NCOA2: variants seen among roughly 807,000 people sequenced by gnomAD.
NCOA2 encodes class E basic helix-loop-helix protein 75.
Under a neutral mutation model 145.1 loss-of-function variants are expected in NCOA2, and 21 were observed. The observed-to-expected ratio is 0.14, with a 90% CI of 0.10 to 0.21. The LOEUF (loss-of-function observed/expected upper bound fraction) is 0.21, where lower values mean the gene tolerates loss of function less well. Among genes scored for constraint, NCOA2 ranks in the 10% least tolerant of loss-of-function variants. The pLI, the probability that NCOA2 is intolerant of heterozygous loss-of-function variation, is 1.00. For missense variants in NCOA2, 1,472 were observed against 1,837.6 expected, an observed-to-expected ratio of 0.80 and a Z score of 3.64; for synonymous variants, 619 against 637.5, an observed-to-expected ratio of 0.97 and a Z score of 0.44.
At chr8:70,323,423 G>A (rs902819336) in intron 1 of NCOA2, among the ~76,000 whole-genome samples, 1 of 152,106 alleles carries the variant, frequency 6.6e-6, no homozygotes, top group Non-Finnish European at 1.5e-5. Flanking sequence ...CAGCGAGAAA[G>A]CACACGAACA....
chr8:70,300,093 G>A (rs1416873064), intron 1 of NCOA2, among the ~76,000 whole-genome samples: 1 of 152,070 alleles, frequency 6.6e-6, no homozygotes, highest in Non-Finnish European at 1.5e-5. Context: ...AAACTATAAA[G>A]ACAGAAAACA....
chr8:70,151,906 T>C (rs2132107801), intron 11 of NCOA2, among the ~76,000 whole-genome samples: 1 of 152,304 alleles, frequency 6.6e-6, no homozygotes, highest in African/African-American at 2.4e-5. Flanking sequence ...TTTTTTTCTG[T>C]ATTCATGTAA....
At chr8:70,143,148 C>T (rs1258788246) in intron 13 of NCOA2, among the ~76,000 whole-genome samples, 1 of 152,156 alleles carries the variant, frequency 6.6e-6, no homozygotes, top group Non-Finnish European at 1.5e-5. Context: ...TGAGGTTTCA[C>T]CATGTTGGTC....
intron 1 of NCOA2, among the ~76,000 whole-genome samples, chr8:70,391,132 G>C (rs539458586): frequency 5.1e-4 from 78 of 152,298 alleles, no homozygotes; most frequent in African/African-American, 1.4e-3. Context: ...AAGAAAAACA[G>C]AAGAGAGAAA....
intron 2 of NCOA2, among the ~76,000 whole-genome samples, chr8:70,249,977 A>AAAAAAAAAAAAAAAG (rs751876043): frequency 1.5e-5 from 2 of 137,918 alleles, no homozygotes; most frequent in Non-Finnish European, 1.6e-5. Flanking sequence ...AAAAAAAAAA[A>AAAAAAAAAAAAAAAG]AAGAAGAAGA....
chr8:70,231,654 G>C (rs943691589), intron 2 of NCOA2, among the ~76,000 whole-genome samples: 6 of 152,322 alleles, frequency 3.9e-5, no homozygotes, highest in Non-Finnish European at 7.3e-5. Context: ...TATTAATCCT[G>C]TCTGGTTCTC....
Position 70,159,605 on chromosome 8 carries a change from A to C in NCOA2, c.1024T>G (p.Ser342Ala). 6.2e-7 allele frequency: 1 copy of C among 1,613,030 alleles called. No individual in the cohort carries two copies. Among genetic ancestry groups the C allele is most frequent in the Non-Finnish European group, 8.5e-7 (1 of 1,179,106 alleles). Residue 342 changes from serine (S) to alanine (A), a missense_variant, in exon 10 of 23, where the codon TCT (serine) becomes GCT (alanine). By Grantham distance (99) the Ser-to-Ala change is moderately conservative. Coordinates refer to ENST00000452400, the MANE Select transcript of NCOA2 (RefSeq NM_006540.4). ...AFSQIYRFSL[S>A]DGTLVAAQTK... ...TGTGCAGCAACAAGAGTGCCATCAG[A>C]CAAGGAAAAACGATAGATTTGACTG... is the stretch of plus-strand genomic sequence containing the variant.
At chr8:70,173,614 G>A (rs565822891) in intron 5 of NCOA2, among the ~76,000 whole-genome samples, 1 of 152,252 alleles carries the variant, frequency 6.6e-6, no homozygotes, top group Admixed American at 6.5e-5. Flanking sequence ...GAGGCTGAAT[G>A]TTTTCAAGCC....
At chr8:70,307,988 T>G (rs188064861) in intron 1 of NCOA2, among the ~76,000 whole-genome samples, 22 of 152,292 alleles carry the variant, frequency 1.4e-4, no homozygotes, top group Non-Finnish European at 1.5e-5. Flanking sequence ...ACATTCCCAA[T>G]TATTTACATA....
At chr8:70,240,555 C>A (rs369354505) in intron 2 of NCOA2, among the ~76,000 whole-genome samples, 41 of 152,008 alleles carry the variant, frequency 2.7e-4, no homozygotes, top group Non-Finnish European at 5.3e-4. Flanking sequence ...GGCCCCCAAG[C>A]GTGATGTTGG....
chr8:70,309,535 G>A (rs1210994864), intron 1 of NCOA2, among the ~76,000 whole-genome samples: 1 of 151,696 alleles, frequency 6.6e-6, no homozygotes, highest in Non-Finnish European at 1.5e-5. Flanking sequence ...AAAGGCTCTG[G>A]GAATATAATG....
chr8:70,283,309 A>G (rs911101523), intron 2 of NCOA2, among the ~76,000 whole-genome samples: 18 of 152,216 alleles, frequency 1.2e-4, no homozygotes, highest in Non-Finnish European at 2.5e-4. Flanking sequence ...TTCACTCTCA[A>G]AGTGGAGATG....
chr8:70,211,011 G>A (rs1586113223), intron 4 of NCOA2, among the ~76,000 whole-genome samples: 1 of 152,188 alleles, frequency 6.6e-6, no homozygotes. Flanking sequence ...GGGGTTGGGG[G>A]AAGACAGAGT....
At chr8:70,141,111 G>T (rs1166700591) in intron 14 of NCOA2, 73 bp downstream of exon 14, 2 of 1,432,532 alleles carry the variant, frequency 1.4e-6, no homozygotes, top group African/African-American at 1.4e-5. Flanking sequence ...AGCATGTCTT[G>T]AAAGAACTTA....
At chr8:70,329,725 C>T (rs150653627) in intron 1 of NCOA2, among the ~76,000 whole-genome samples, 35 of 152,226 alleles carry the variant, frequency 2.3e-4, no homozygotes, top group African/African-American at 7.2e-4. Flanking sequence ...TGGAATACTA[C>T]AAAGCAATGT....
chr8:70,256,958 T>C (rs950005038), intron 2 of NCOA2, among the ~76,000 whole-genome samples: 4 of 152,166 alleles, frequency 2.6e-5, no homozygotes, highest in Non-Finnish European at 5.9e-5. Flanking sequence ...GGTTACAGAG[T>C]AGAAAGACTG....
At chr8:70,176,646 C>G (rs1001555945) in intron 4 of NCOA2, among the ~76,000 whole-genome samples, 2 of 152,130 alleles carry the variant, frequency 1.3e-5, no homozygotes, top group South Asian at 4.1e-4. Context: ...CTGGGGCATA[C>G]TTTTTAATTT....
At chr8:70,256,513 C>T (rs1005223082) in intron 2 of NCOA2, among the ~76,000 whole-genome samples, 2 of 152,174 alleles carry the variant, frequency 1.3e-5, no homozygotes, top group African/African-American at 2.4e-5. Context: ...TAAACATGGC[C>T]GACTTCATTG....
At chr8:70,278,257 C>T (rs1252991747) in intron 2 of NCOA2, among the ~76,000 whole-genome samples, 1 of 152,086 alleles carries the variant, frequency 6.6e-6, no homozygotes, top group East Asian at 1.9e-4. Context: ...CTTTTTATTG[C>T]CAAATAATAT....
Sources: allele counts gnomAD v4.1 joint callset (sites outside exome capture counted in the v4.1 genomes callset), GRCh38; gene constraint gnomAD v4.1.1; transcripts MANE v1.5; gene names NCBI Gene and HGNC (gene_info 2026-07-23, HGNC 2026-07-21).